Variants in NKAIN3 observed in about 807,000 individuals in gnomAD.
The protein encoded by NKAIN3 is sodium/potassium transporting ATPase interacting 3, also known as sodium/potassium-transporting ATPase subunit beta-1-interacting protein 3.
A neutral mutation model predicts 30.2 loss-of-function variants in NKAIN3; 25 were observed. That is an observed-to-expected ratio of 0.83 (90% CI 0.60 to 1.16). The LOEUF (loss-of-function observed/expected upper bound fraction) is 1.16. Among genes scored for constraint, NKAIN3 ranks in the 50% most tolerant of loss-of-function variants. The pLI is 0.00. For missense variants in NKAIN3, 225 were observed against 254.1 expected, an observed-to-expected ratio of 0.89 and a Z score of 0.78; for synonymous variants, 91 against 89.6, an observed-to-expected ratio of 1.02 and a Z score of -0.09.
chr8:62,990,567 G>A (rs4739036), intron 5 of NKAIN3: 13,786 of 189,626 alleles, frequency 0.073, 814 homozygotes, highest in East Asian at 0.3. Context: ...AAATTTTCAT[G>A]TGAATTTCCC....
chr8:62,549,093 A>T (rs531280062), intron 1 of NKAIN3, among the ~76,000 whole-genome samples: 31 of 152,252 alleles, frequency 2.0e-4, no homozygotes, highest in African/African-American at 6.7e-4. Context: ...GAGTGAATAA[A>T]TTTTTTCTAG....
At chr8:62,514,947 G>T (rs1807936562) in intron 1 of NKAIN3, among the ~76,000 whole-genome samples, 1 of 152,026 alleles carries the variant, frequency 6.6e-6, no homozygotes, top group Non-Finnish European at 1.5e-5. Context: ...TGATATATGA[G>T]TGATATGTGA....
intron 1 of NKAIN3, among the ~76,000 whole-genome samples, chr8:62,263,632 G>T (rs958351930): frequency 2.9e-4 from 44 of 152,152 alleles, no homozygotes; most frequent in Admixed American, 2.3e-3. Context: ...CTTAATCCAA[G>T]TTGGTATATG....
intron 6 of NKAIN3, among the ~76,000 whole-genome samples, chr8:62,959,081 A>G (rs1823497226): frequency 6.6e-6 from 1 of 152,180 alleles, no homozygotes; most frequent in Non-Finnish European, 1.5e-5. Context: ...CCTTTGCTGG[A>G]GGCTAATTTT....
intron 1 of NKAIN3, among the ~76,000 whole-genome samples, chr8:62,393,271 C>A (rs1817627895): frequency 6.6e-6 from 1 of 151,838 alleles, no homozygotes; most frequent in South Asian, 2.1e-4. Context: ...GGTTTGTATA[C>A]TTTTTGTGTA....
chr8:62,784,553 A>G (rs1817457564), intron 4 of NKAIN3, among the ~76,000 whole-genome samples: 1 of 152,022 alleles, frequency 6.6e-6, no homozygotes, highest in Non-Finnish European at 1.5e-5. Context: ...CAAATTACCA[A>G]AACTGACTCA....
At chr8:62,633,762 G>A (rs934120652) in intron 3 of NKAIN3, among the ~76,000 whole-genome samples, 3 of 152,168 alleles carry the variant, frequency 2.0e-5, no homozygotes, top group African/African-American at 7.2e-5. Flanking sequence ...CACACTGGCA[G>A]AACCCCACCT....
chr8:62,282,206 G>A (rs758903960), intron 1 of NKAIN3, among the ~76,000 whole-genome samples: 1 of 152,112 alleles, frequency 6.6e-6, no homozygotes, highest in Non-Finnish European at 1.5e-5. Flanking sequence ...AATTGGAGCT[G>A]ACAAGTCTTG....
At chr8:62,310,099 GTCTATCA>G (rs1480011844) in intron 1 of NKAIN3, among the ~76,000 whole-genome samples, 1 of 150,436 alleles carries the variant, frequency 6.6e-6, no homozygotes, top group African/African-American at 2.5e-5. Context: ...AAATAAAATA[GTCTATCA>G]TCTATTTTCA....
chr8:62,807,622 G>A (rs527456194), intron 4 of NKAIN3, among the ~76,000 whole-genome samples: 4 of 143,928 alleles, frequency 2.8e-5, no homozygotes, highest in South Asian at 2.2e-4. Context: ...GCTCGATCTC[G>A]GCTCACTGCA....
chr8:62,487,171 C>T (rs998654348), intron 1 of NKAIN3, among the ~76,000 whole-genome samples: 4 of 152,186 alleles, frequency 2.6e-5, no homozygotes, highest in African/African-American at 9.7e-5. Context: ...GGACTGCTGG[C>T]TCCCCGTTTA....
intron 4 of NKAIN3, among the ~76,000 whole-genome samples, chr8:62,866,817 C>A: frequency 6.7e-6 from 1 of 149,440 alleles, no homozygotes. Context: ...GAGGCCGAGG[C>A]GGGTGGATCA....
At chr8:62,334,687 G>T (rs762512506) in intron 1 of NKAIN3, among the ~76,000 whole-genome samples, 1 of 152,016 alleles carries the variant, frequency 6.6e-6, no homozygotes, top group South Asian at 2.1e-4. Context: ...AACAACAGCC[G>T]TTTTGTTATA....
chr8:62,300,637 A>C (rs1030132029), intron 1 of NKAIN3, among the ~76,000 whole-genome samples: 2 of 152,170 alleles, frequency 1.3e-5, no homozygotes, highest in Non-Finnish European at 2.9e-5. Context: ...ATAATTCCTT[A>C]TTATAATTGT....
intron 5 of NKAIN3, among the ~76,000 whole-genome samples, chr8:62,921,075 C>T (rs1822261357): frequency 6.6e-6 from 1 of 152,152 alleles, no homozygotes; most frequent in African/African-American, 2.4e-5. Context: ...CAACACTTAG[C>T]TTTTAGGTGC....
At chr8:62,870,677 A>G (rs1586293045) in intron 4 of NKAIN3, among the ~76,000 whole-genome samples, 1 of 132,316 alleles carries the variant, frequency 7.6e-6, no homozygotes, top group African/African-American at 3.1e-5. Flanking sequence ...AGATATCTAT[A>G]TATCTATATC....
chr8:62,368,448 G>A (rs1179237639), intron 1 of NKAIN3, among the ~76,000 whole-genome samples: 1 of 152,084 alleles, frequency 6.6e-6, no homozygotes, highest in Non-Finnish European at 1.5e-5. Flanking sequence ...CACACAGAAA[G>A]GATCATCTTT....
rs1368875220 is a variant in NKAIN3, at chr8:62,992,104, C to T, written c.533-7127C>T. 4.0e-5 allele frequency among the ~76,000 whole-genome samples: 6 copies of T among 151,824 alleles called. No homozygotes were observed. The East Asian group carries it at 1.2e-3, about 29-fold the overall frequency. ...CACGACCTCAGCACTCTGCAGCTTA[C>T]ATCTCCCAGGTTTAAGTGACCCTCC... On this transcript the variant is annotated intron_variant, in intron 5 of 5. Transcript: ENST00000519049.
At chr8:62,594,980 T>C (rs1005008627) in intron 3 of NKAIN3, among the ~76,000 whole-genome samples, 1 of 151,980 alleles carries the variant, frequency 6.6e-6, no homozygotes, top group African/African-American at 2.4e-5. Context: ...CCATTTTTGC[T>C]TCAAACATTT....
Sources: allele counts gnomAD v4.1 joint callset (sites outside exome capture counted in the v4.1 genomes callset), GRCh38; gene constraint gnomAD v4.1.1; transcripts MANE v1.5; gene names NCBI Gene and HGNC (gene_info 2026-07-23, HGNC 2026-07-21).